LCT: variants seen among roughly 807,000 people sequenced by gnomAD.
The protein encoded by LCT is lactase/phlorizin hydrolase.
Under a neutral mutation model 173.0 loss-of-function variants are expected in LCT, and 90 were observed. The ratio of observed to expected loss-of-function variants is 0.52; its 90% CI spans 0.44 to 0.62. The LOEUF (loss-of-function observed/expected upper bound fraction) is 0.62. LCT is among the 20% of genes least tolerant of loss of function. The pLI is 0.00. For missense variants in LCT, 1,864 were observed against 2,431.4 expected, an observed-to-expected ratio of 0.77 and a Z score of 4.91; for synonymous variants, 853 against 957.6, an observed-to-expected ratio of 0.89 and a Z score of 2.02.
chr2:135,819,762 G>A (rs2077812471), intron 5 of LCT, among the ~76,000 whole-genome samples: 1 of 152,178 alleles, frequency 6.6e-6, no homozygotes, highest in African/African-American at 2.4e-5. Flanking sequence ...CGTCCCCTCG[G>A]TGCTCAGCCT....
chr2:135,792,418 G>A lies in LCT; in HGVS notation c.5112-1537C>T, dbSNP rs570798797. The stretch of plus-strand genomic sequence containing the variant: ...AGAATCTTGGGGGCAAACAAGAAGT[G>A]CAGATAAAAGCACAGAAGCCACAGC... On this transcript the variant is annotated intron_variant, in intron 14 of 16. Transcript: ENST00000264162. Among the ~76,000 whole-genome samples, 55 of 152,336 alleles carry A rather than the reference G, an allele frequency of 3.6e-4. No homozygotes were observed. The East Asian group carries it at 6.0e-3, about 17-fold the overall frequency.
chr2:135,798,289 T>G, intron 12 of LCT, 151 bp from the exon 13 acceptor site: 1 of 690,758 alleles, frequency 1.4e-6, no homozygotes, highest in Non-Finnish European at 2.6e-6. Flanking sequence ...TCCTGCCTGT[T>G]GCAGCTTCAG....
In LCT at chr2:135,832,966, A is replaced by G. The variant is rs973977470; in HGVS notation, c.720+145T>C. ...AGCTTCAAGATTTTGTTTTTAAGGT[A>G]ATTATGAACCTGGAGAACATACACC... On this transcript the variant is annotated intron_variant, in intron 2 of 16. Coordinates refer to ENST00000264162, the MANE Select transcript of LCT (RefSeq NM_002299.4). The G allele has an allele frequency of 5.4e-6, 4 of 739,440 alleles. No individual in the cohort carries two copies. In the African/African-American group the frequency reaches 7.0e-5, roughly 13 times the overall value. 45.8% of individuals were successfully genotyped at this position (739,440 alleles called of 1,614,324 possible).
Position 135,812,605 on chromosome 2 carries a change from T to C in LCT, c.2059A>G (p.Thr687Ala). ...GGGGCGTTGCTGATGAGGCGGGAGG[T>C]GTAATGCGACAGACCCAGAAAATCA... ...SADFLGLSHYTSRLISNAPQN... is the reference protein window; with the variant it reads ...SADFLGLSHYASRLISNAPQN... Residue 687 changes from threonine (T) to alanine (A), a missense_variant, in exon 7 of 17, where the codon ACC (threonine) becomes GCC (alanine). Physicochemically the swap from Thr to Ala is moderately conservative, Grantham distance 58 (BLOSUM62 0). This residue lies in a region of LCT where 755 missense variants were observed against 926.3 expected (regional missense o/e 0.82). Transcript: ENST00000264162. The C allele has an allele frequency of 6.2e-7, 1 of 1,608,120 alleles. No homozygotes were observed. The highest frequency in any genetic ancestry group is 8.5e-7 in the Non-Finnish European group (1 of 1,176,182).
chr2:135,824,201 C>G (rs916606802), intron 3 of LCT, among the ~76,000 whole-genome samples, 198 bp from the exon 4 acceptor site: 3 of 152,166 alleles, frequency 2.0e-5, no homozygotes, highest in Non-Finnish European at 4.4e-5. Flanking sequence ...ATAGTCTACC[C>G]TCCCCACCAA....
At chr2:135,825,827 C>G (rs78683687) in intron 3 of LCT, among the ~76,000 whole-genome samples, 2 of 152,116 alleles carry the variant, frequency 1.3e-5, no homozygotes, top group Admixed American at 6.5e-5. Context: ...CCTCTTCCCT[C>G]GCAGCCCACA....
chr2:135,817,214 C>T (rs1352888851), intron 6 of LCT, 127 bp downstream of exon 6: 9 of 1,154,906 alleles, frequency 7.8e-6, no homozygotes, highest in African/African-American at 1.5e-5. Context: ...TCCTTCCCTC[C>T]CCGATTTCCT....
intron 12 of LCT, among the ~76,000 whole-genome samples, chr2:135,798,702 G>A (rs191197460): frequency 8.5e-5 from 13 of 152,250 alleles, no homozygotes; most frequent in African/African-American, 2.2e-4. Context: ...TATCATGTGC[G>A]GGGATACGTG....
Position 135,812,372 on chromosome 2 carries a change from A to T in LCT, c.2292T>A (p.Asn764Lys). 5.0e-6 allele frequency: 8 copies of T among 1,613,988 alleles called. No homozygotes were observed. Among genetic ancestry groups the T allele is most frequent in the Non-Finnish European group, 5.9e-6 (7 of 1,179,844 alleles). ...GNGMPIGESE[N>K]LFDDSLRVDY... Reference sequence around the variant, plus strand: ...CTACTCTTAAGGAATCATCAAAGAGATTTTCACTTTCCCCTATGGGCATGC... The same window carrying T: ...CTACTCTTAAGGAATCATCAAAGAGTTTTTCACTTTCCCCTATGGGCATGC... Residue 764 changes from asparagine (N) to lysine (K), a missense_variant, in exon 7 of 17, where the codon AAT becomes AAA. Physicochemically the swap from Asn to Lys is moderately conservative, Grantham distance 94 (BLOSUM62 0). This residue lies in a region of LCT where 755 missense variants were observed against 926.3 expected (regional missense o/e 0.82). Transcript: ENST00000264162.
At chr2:135,794,411 G>A in intron 14 of LCT, 3 of 533,670 alleles carry the variant, frequency 5.6e-6, no homozygotes, top group Non-Finnish European at 1.0e-5. Flanking sequence ...AAAACAAAAA[G>A]CCAAGCACAT....
At chr2:135,831,305 G>C (rs2077935994) in intron 2 of LCT, among the ~76,000 whole-genome samples, 1 of 152,200 alleles carries the variant, frequency 6.6e-6, no homozygotes, top group Non-Finnish European at 1.5e-5. Context: ...AAGACAGGAA[G>C]GACGTCCAGT....
intron 1 of LCT, among the ~76,000 whole-genome samples, chr2:135,835,998 ATATATATATATATATATG>A (rs58192957): frequency 0.58 from 65,549 of 112,190 alleles, 21,904 homozygotes; most frequent in Non-Finnish European, 0.74. Flanking sequence ...ATATATATAT[ATATATATATATATATATG>A]TATACATATT....
At position 135,788,467 on chromosome 2, in the gene LCT, G is replaced by T; in HGVS notation, c.5641C>A (p.Gln1881Lys). 6.2e-7 allele frequency: 1 copy of T among 1,613,580 alleles called. No individual in the cohort carries two copies. The highest frequency in any genetic ancestry group is 8.5e-7 in the Non-Finnish European group (1 of 1,179,932). ...LGLMLGTTEA[Q>K]TALYVLFSLV... ...GAAAAGAGAACGTACAAAGCTGTCT[G>T]TGCTTCTGTGGTGCCGAGCATTAGC... Residue 1881 changes from glutamine to lysine, a missense_variant, in exon 17 of 17, where the codon CAG becomes AAG. By Grantham distance (53) the Gln-to-Lys change is moderately conservative. Coordinates refer to ENST00000264162, the MANE Select transcript of LCT (RefSeq NM_002299.4).
intron 7 of LCT, 70 bp downstream of exon 7, chr2:135,812,241 T>C (rs868405013): frequency 7.5e-7 from 1 of 1,337,434 alleles, no homozygotes; most frequent in Middle Eastern, 2.2e-4. Flanking sequence ...TTTGTCTTAT[T>C]AAACGAAACT....
chr2:135,830,328 G>A (rs2077926382), intron 2 of LCT, among the ~76,000 whole-genome samples: 1 of 151,908 alleles, frequency 6.6e-6, no homozygotes, highest in Admixed American at 6.6e-5. Flanking sequence ...TGGCCTGCAT[G>A]TGCTCAAAGA....
intron 12 of LCT, among the ~76,000 whole-genome samples, chr2:135,798,521 G>A (rs900654277): frequency 6.6e-5 from 10 of 152,184 alleles, no homozygotes; most frequent in South Asian, 2.1e-4. Context: ...ACCACTGAGC[G>A]GCTGCACTTC....
rs1230799230 is a variant in LCT at position 135,788,649 on chromosome 2, C to T, written c.5564-105G>A. On this transcript the variant is annotated intron_variant, in intron 16 of 16. Coordinates refer to ENST00000264162, the MANE Select transcript of LCT (RefSeq NM_002299.4). ...GCACGGTACCCCAAATCCGCACAGCCATTGACGGGATGCCGAGGTGGAGGT... is the reference window on the plus strand; with the variant it reads ...GCACGGTACCCCAAATCCGCACAGCTATTGACGGGATGCCGAGGTGGAGGT... 2.3e-5 allele frequency: 18 copies of T among 787,536 alleles called. No individual in the cohort carries two copies. In the Admixed American group the frequency reaches 2.6e-4, roughly 11 times the overall value. The allele number at this position is 787,536 out of a possible 1,614,324, so 48.8% of individuals were successfully genotyped here. A position where few individuals can be genotyped will look rare whatever the true frequency, so the allele number is the denominator to read the frequency against.
chr2:135,813,086 G>T, intron 6 of LCT, 130 bp from the exon 7 acceptor site: 1 of 829,500 alleles, frequency 1.2e-6, no homozygotes, highest in Non-Finnish European at 2.0e-6. Context: ...CATTGACATT[G>T]TCAATATTGA....
At chr2:135,829,497 G>T in intron 3 of LCT, 96 bp downstream of exon 3, 1 of 927,966 alleles carries the variant, frequency 1.1e-6, no homozygotes. Context: ...GTTGATGGAA[G>T]TTCAGTTTAT....
Sources: allele counts gnomAD v4.1 joint callset (sites outside exome capture counted in the v4.1 genomes callset), GRCh38; gene constraint gnomAD v4.1.1; regional missense constraint gnomAD v4.1.1; transcripts MANE v1.5; gene names NCBI Gene and HGNC (gene_info 2026-07-23, HGNC 2026-07-21).